Variants in FOXN3 observed in about 807,000 individuals in gnomAD.
FOXN3 encodes forkhead box N3, also known as forkhead box protein N3.
A neutral mutation model predicts 38.4 loss-of-function variants in FOXN3; 7 were observed. The ratio of observed to expected loss-of-function variants is 0.18; its 90% CI spans 0.10 to 0.34. The LOEUF (loss-of-function observed/expected upper bound fraction) is 0.34, where lower values mean the gene tolerates loss of function less well. FOXN3 is among the 10% of genes least tolerant of loss of function. The probability of loss-of-function intolerance (pLI) is 1.00; values close to 1 mark genes in which losing one functional copy is unlikely to be tolerated. For missense variants in FOXN3, 456 were observed against 613.4 expected, an observed-to-expected ratio of 0.74 and a Z score of 2.71; for synonymous variants, 230 against 242.2, an observed-to-expected ratio of 0.95 and a Z score of 0.47.
intron 1 of FOXN3, among the ~76,000 whole-genome samples, chr14:89,596,140 T>G (rs1235083333): frequency 1.3e-5 from 2 of 152,134 alleles, no homozygotes; most frequent in Non-Finnish European, 2.9e-5. Context: ...ACAGATATTT[T>G]ATTGATTGAT....
chr14:89,265,846 G>T (rs1372051999), intron 4 of FOXN3, among the ~76,000 whole-genome samples: 1 of 152,170 alleles, frequency 6.6e-6, no homozygotes. Context: ...GGTGATGTAG[G>T]TCAAGTTAAA....
At chr14:89,601,594 TA>T (rs1413692927) in intron 1 of FOXN3, among the ~76,000 whole-genome samples, 3 of 152,176 alleles carry the variant, frequency 2.0e-5, no homozygotes, top group Non-Finnish European at 4.4e-5. Context: ...TTGAGGCCAA[TA>T]ACCTAGGGTC....
chr14:89,587,179 G>A (rs148482708), intron 1 of FOXN3, among the ~76,000 whole-genome samples: 61 of 152,324 alleles, frequency 4.0e-4, no homozygotes, highest in African/African-American at 1.4e-3. Flanking sequence ...GGGGAACCCC[G>A]GTCTTTTTCT....
rs559533424 is a variant in FOXN3, at chr14:89,160,558, CA to C, written c.*1855del. The C allele has an allele frequency of 1.1e-4, 17 of 152,652 alleles. No individual in the cohort carries two copies. The South Asian group carries it at 3.5e-3, about 32-fold the overall frequency. 9.5% of individuals were successfully genotyped at this position (152,652 alleles called of 1,614,324 possible). A position where few individuals can be genotyped will look rare whatever the true frequency, so the allele number is the denominator to read the frequency against. ...TTATTCACTGCCTTTTTCCTAGAAC[CA>C]AATCATGGTAATGATTTTCTCAAGT... On this transcript the variant is annotated 3_prime_UTR_variant, in exon 6 of 6. Transcript: ENST00000557258.
intron 4 of FOXN3, among the ~76,000 whole-genome samples, chr14:89,193,834 T>C (rs971922762): frequency 3.3e-5 from 5 of 152,200 alleles, no homozygotes; most frequent in Non-Finnish European, 7.3e-5. Flanking sequence ...AGTTGCTCCA[T>C]ATTTTTTTTG....
At chr14:89,434,510 G>A (rs958604104) in intron 1 of FOXN3, among the ~76,000 whole-genome samples, 1 of 152,092 alleles carries the variant, frequency 6.6e-6, no homozygotes, top group Non-Finnish European at 1.5e-5. Flanking sequence ...GATTACAGAT[G>A]TGAGCCACCG....
chr14:89,579,326 TG>T (rs1173139996), intron 1 of FOXN3, among the ~76,000 whole-genome samples: 2 of 150,948 alleles, frequency 1.3e-5, no homozygotes, highest in Non-Finnish European at 3.0e-5. Flanking sequence ...AATTTATTTA[TG>T]TTTTTTTTTG....
intron 1 of FOXN3, among the ~76,000 whole-genome samples, chr14:89,444,032 A>G (rs112663851): frequency 8.3e-4 from 118 of 141,880 alleles, no homozygotes; most frequent in African/African-American, 2.8e-3. Flanking sequence ...AAAAAAAAGC[A>G]TACTTGGAAG....
At chr14:89,572,878 T>G (rs1194686354) in intron 1 of FOXN3, among the ~76,000 whole-genome samples, 1 of 152,208 alleles carries the variant, frequency 6.6e-6, no homozygotes, top group Non-Finnish European at 1.5e-5. Flanking sequence ...TTCCATGCCA[T>G]GCAAATGAGT....
In FOXN3 at chr14:89,430,155, A is replaced by G. The variant is rs1035898769; in HGVS notation, c.-14-17665T>C. ...TAAAATGAAGCCCAGGTCTTCAGAAAGAATATTCATATGCACATGTTGGAT... is the reference window on the plus strand; with the variant it reads ...TAAAATGAAGCCCAGGTCTTCAGAAGGAATATTCATATGCACATGTTGGAT... On this transcript the variant is annotated intron_variant, in intron 1 of 6. Transcript: ENST00000345097. Among the ~76,000 whole-genome samples, 6 of 152,382 alleles carry G rather than the reference A, an allele frequency of 3.9e-5. No homozygotes were observed. In the South Asian group the frequency reaches 8.3e-4, roughly 21 times the overall value.
At chr14:89,539,147 C>CT (rs1283806633) in intron 1 of FOXN3, among the ~76,000 whole-genome samples, 2 of 151,996 alleles carry the variant, frequency 1.3e-5, no homozygotes, top group Admixed American at 6.6e-5. Flanking sequence ...GGCCACTTTT[C>CT]TTTTTTTTAT....
chr14:89,279,524 G>C (rs188707839), intron 4 of FOXN3, among the ~76,000 whole-genome samples: 8 of 152,272 alleles, frequency 5.3e-5, no homozygotes, highest in Non-Finnish European at 1.2e-4. Context: ...TATAGTTCTA[G>C]AGGAAAAATG....
chr14:89,331,000 T>C (rs975456609), intron 3 of FOXN3, among the ~76,000 whole-genome samples: 3 of 152,246 alleles, frequency 2.0e-5, no homozygotes, highest in African/African-American at 7.2e-5. Flanking sequence ...TTCTGTTTCC[T>C]CTTCTTCTTT....
chr14:89,411,236 C>G (rs1566645529), intron 2 of FOXN3, among the ~76,000 whole-genome samples: 1 of 152,194 alleles, frequency 6.6e-6, no homozygotes, highest in Non-Finnish European at 1.5e-5. Flanking sequence ...CCTTGGCTCT[C>G]CACAAAATGG....
At chr14:89,185,480 C>T (rs1400374208) in intron 4 of FOXN3, 2 of 152,254 alleles carry the variant, frequency 1.3e-5, no homozygotes, top group African/African-American at 2.4e-5. Context: ...ACTCTGTTTC[C>T]CTCAGAGCAT....
chr14:89,412,161 C>T lies in FOXN3; in HGVS notation c.316G>A (p.Asp106Asn), dbSNP rs1171167664. 3.1e-6 allele frequency: 5 copies of T among 1,610,228 alleles called. No homozygotes were observed. Among genetic ancestry groups the T allele is most frequent in the Non-Finnish European group, 4.2e-6 (5 of 1,177,862 alleles). The change falls in exon 2 of 6, where the codon GAT becomes AAT. Residue 106 changes from aspartate to asparagine, a missense_variant. This residue lies in a region of FOXN3 where 386 missense variants were observed against 505.2 expected (regional missense o/e 0.76). Transcript: ENST00000557258. The surrounding 1 kb of genome is among the most constrained non-coding windows in gnomAD (Gnocchi z 4.7). ...PSPAHSDMPY[D>N]ARQNPNCKPP... is the part of the protein sequence containing the mutation. ...TTGCAGTTGGGGTTCTGCCTGGCATCGTAGGGCATGTCAGAGTGGGCAGGG... is the reference window on the plus strand; with the variant it reads ...TTGCAGTTGGGGTTCTGCCTGGCATTGTAGGGCATGTCAGAGTGGGCAGGG...
intron 3 of FOXN3, among the ~76,000 whole-genome samples, chr14:89,282,366 G>A (rs1187801754): frequency 6.6e-6 from 1 of 152,150 alleles, no homozygotes. Context: ...CTGATTCTCA[G>A]CCAGGTAGTT....
intron 4 of FOXN3, among the ~76,000 whole-genome samples, chr14:89,272,837 C>T (rs940732211): frequency 1.3e-5 from 2 of 151,952 alleles, no homozygotes; most frequent in South Asian, 2.1e-4. Context: ...TGGGCAACAG[C>T]GCAAGACTCT....
At chr14:89,250,865 G>GCT (rs1416333041) in intron 4 of FOXN3, among the ~76,000 whole-genome samples, 2 of 152,102 alleles carry the variant, frequency 1.3e-5, no homozygotes, top group Non-Finnish European at 2.9e-5. Context: ...CCCTGCACAT[G>GCT]CTCTCTCTCT....
Sources: gnomAD v4.1 joint callset for allele counts (sites outside exome capture counted in the v4.1 genomes callset) on GRCh38, gnomAD v4.1.1 for gene constraint, gnomAD v4.1.1 regional missense constraint, Gnocchi (gnomAD v3.1) non-coding constraint, MANE v1.5 for transcripts, NCBI Gene and HGNC (gene_info 2026-07-23, HGNC 2026-07-21) for gene names.